The following ARHGEF4 variants were observed in gnomAD, a reference collection of about 807,000 sequenced individuals.
ARHGEF4 encodes Rho guanine nucleotide exchange factor 4.
Under a neutral mutation model 162.0 loss-of-function variants are expected in ARHGEF4, and 119 were observed. The observed-to-expected ratio is 0.73, with a 90% CI of 0.63 to 0.86. The LOEUF (loss-of-function observed/expected upper bound fraction) is 0.86. Among genes scored for constraint, ARHGEF4 ranks in the 40% least tolerant of loss-of-function variants. ARHGEF4 has a pLI of 0.00. For missense variants in ARHGEF4, 2,488 were observed against 2,456.0 expected, an observed-to-expected ratio of 1.01 and a Z score of -0.28; for synonymous variants, 1,014 against 979.9, an observed-to-expected ratio of 1.03 and a Z score of -0.65.
At position 130,971,299 on chromosome 2, in the gene ARHGEF4, G is replaced by C. The variant is rs138077786; in HGVS notation, c.3985+24664G>C. On this transcript the variant is annotated intron_variant, in intron 4 of 13. Transcript: ENST00000409359. ...TCAGTTATGTGAGTCCTCCAATTTT[G>C]TTCTTCTTTTTCAACATTGTTTTAA... Among the ~76,000 whole-genome samples, 64 of 152,182 alleles carry C rather than the reference G, an allele frequency of 4.2e-4. No individual in the cohort carries two copies. In the East Asian group the frequency reaches 0.011, roughly 27 times the overall value.
rs777942620 is a variant in ARHGEF4 at position 131,040,263 on chromosome 2, C to A, written c.4485C>A (p.Gly1495=). 5.0e-6 allele frequency: 8 copies of A among 1,612,334 alleles called. No individual in the cohort carries two copies. Among genetic ancestry groups the A allele is most frequent in the Admixed American group, 3.3e-5 (2 of 59,926 alleles). Residue 1495 remains glycine, a splice_region_variant and synonymous_variant, in exon 8 of 14, where the codon GGC becomes GGA. Transcript: ENST00000409359. ...GGCCTAACCACGTCCGCCCGCAGGG[C>A]TACGTCCGGCAGTGCCGCAAGCGCG... ...YIKHLRDICE[G]YVRQCRKRAD...
Position 130,916,770 on chromosome 2 carries a change from A to G in ARHGEF4, c.2824A>G (p.Lys942Glu). ...TTCCCCAAGTTCTCCCAAGGGCGAG[A>G]AGGAGAAGAGCAGGCTGCGCCAGGG... Reference protein sequence around the residue: ...ERSPSSPKGEKEKSRLRQGSW... With the variant: ...ERSPSSPKGEEEKSRLRQGSW... Residue 942 changes from lysine (K) to glutamate (E), a missense_variant, in exon 2 of 14, where the codon AAG (lysine) becomes GAG (glutamate). By Grantham distance (56) the Lys-to-Glu change is moderately conservative. This residue lies in a region of ARHGEF4 where 1,642 missense variants were observed against 1,481.5 expected (regional missense o/e 1.11). Coordinates refer to ENST00000409359, the MANE Select transcript of ARHGEF4 (RefSeq NM_001367493.1). 6.4e-7 allele frequency: 1 copy of G among 1,550,634 alleles called. No homozygotes were observed.
At chr2:131,045,154 GC>G (rs995789164) in intron 12 of ARHGEF4, among the ~76,000 whole-genome samples, 3 of 152,218 alleles carry the variant, frequency 2.0e-5, no homozygotes, top group Non-Finnish European at 4.4e-5. Flanking sequence ...TTCATTTTCT[GC>G]CAGGAGCCCC....
intron 3 of ARHGEF4, among the ~76,000 whole-genome samples, chr2:130,944,082 T>G (rs1356362839): frequency 2.0e-5 from 3 of 152,244 alleles, no homozygotes; most frequent in Non-Finnish European, 2.9e-5. Flanking sequence ...GGGTTGACAG[T>G]GATTTAGCAC....
At chr2:130,978,443 G>A (rs1685897596) in intron 4 of ARHGEF4, among the ~76,000 whole-genome samples, 1 of 152,088 alleles carries the variant, frequency 6.6e-6, no homozygotes, top group South Asian at 2.1e-4. Context: ...CCATATTCTT[G>A]GCCTGATTAC....
intron 1 of ARHGEF4, 121 bp downstream of exon 1, chr2:130,837,113 A>T: frequency 1.0e-6 from 1 of 953,152 alleles, no homozygotes. Flanking sequence ...GTGGGTGGGG[A>T]CACCCTCGTG....
chr2:131,038,770 G>A, intron 5 of ARHGEF4, 83 bp from the exon 6 acceptor site: 1 of 1,451,938 alleles, frequency 6.9e-7, no homozygotes, highest in East Asian at 2.3e-5. Flanking sequence ...TCTTCCCAGG[G>A]CTGCTGAGGG....
At chr2:130,955,131 A>T (rs1176839158) in intron 4 of ARHGEF4, among the ~76,000 whole-genome samples, 2 of 152,142 alleles carry the variant, frequency 1.3e-5, no homozygotes, top group Admixed American at 6.5e-5. Flanking sequence ...TTCCTTTTTT[A>T]AAAGATTTGA....
chr2:130,964,962 C>A (rs1271907243), intron 4 of ARHGEF4, among the ~76,000 whole-genome samples: 1 of 152,222 alleles, frequency 6.6e-6, no homozygotes, highest in African/African-American at 2.4e-5. Context: ...TGGTGATCAC[C>A]TTACCCTTGG....
At chr2:130,900,965 C>T (rs1172956964) in intron 1 of ARHGEF4, among the ~76,000 whole-genome samples, 1 of 152,092 alleles carries the variant, frequency 6.6e-6, no homozygotes, top group African/African-American at 2.4e-5. Flanking sequence ...CTTTTGATCT[C>T]TGTTGGTGAT....
chr2:130,842,094 GGCTAT>G (rs1225277447), intron 1 of ARHGEF4, among the ~76,000 whole-genome samples: 1 of 152,186 alleles, frequency 6.6e-6, no homozygotes, highest in Non-Finnish European at 1.5e-5. Flanking sequence ...TGGTTCCCTT[GGCTAT>G]GCTGGGATCT....
chr2:130,889,681 G>A (rs1250552495), intron 1 of ARHGEF4, among the ~76,000 whole-genome samples: 2 of 150,004 alleles, frequency 1.3e-5, no homozygotes, highest in African/African-American at 2.5e-5. Flanking sequence ...GTGTAGTGGC[G>A]GGCATCTGTA....
intron 4 of ARHGEF4, among the ~76,000 whole-genome samples, chr2:130,982,557 G>GCCT (rs941562698): frequency 6.8e-6 from 1 of 147,564 alleles, no homozygotes; most frequent in South Asian, 2.2e-4. Flanking sequence ...TTCTTTTTTC[G>GCCT]CCTCCTCCTC....
At chr2:130,905,922 G>T (rs1375060860) in intron 1 of ARHGEF4, among the ~76,000 whole-genome samples, 1 of 152,092 alleles carries the variant, frequency 6.6e-6, no homozygotes, top group African/African-American at 2.4e-5. Flanking sequence ...CACAGATAAG[G>T]GGGAACTACT....
At chr2:130,854,687 G>A (rs989554502) in intron 1 of ARHGEF4, among the ~76,000 whole-genome samples, 1 of 152,074 alleles carries the variant, frequency 6.6e-6, no homozygotes, top group Non-Finnish European at 1.5e-5. Context: ...CAGGAGGGGC[G>A]AGACAGGAAG....
chr2:131,034,136 C>T (rs1283945282), intron 5 of ARHGEF4, among the ~76,000 whole-genome samples: 3 of 152,170 alleles, frequency 2.0e-5, no homozygotes, highest in Non-Finnish European at 2.9e-5. Flanking sequence ...CCCATGGGAA[C>T]ACCCAGTCTG....
Position 130,914,391 on chromosome 2 carries a change from T to C in ARHGEF4, c.445T>C (p.Phe149Leu). ...CTCTTGCAAAAATGGGTGGCGAGCCTTTGCCACAGTTGCTGGAGAACAGGA... is the reference window on the plus strand; with the variant it reads ...CTCTTGCAAAAATGGGTGGCGAGCCCTTGCCACAGTTGCTGGAGAACAGGA... ...DDSCKNGWRA[F>L]ATVAGEQEAG... is the part of the protein sequence containing the mutation. Residue 149 changes from phenylalanine (F) to leucine (L), a missense_variant, in exon 2 of 14, where the codon TTT (phenylalanine) becomes CTT (leucine). Transcript: ENST00000409359. 6.9e-7 allele frequency: 1 copy of C among 1,443,872 alleles called. No homozygotes were observed. The highest frequency in any genetic ancestry group is 9.1e-7 in the Non-Finnish European group (1 of 1,103,858). 89.4% of individuals were successfully genotyped at this position (1,443,872 alleles called of 1,614,324 possible).
At chr2:130,991,640 G>A (rs1686986966) in intron 4 of ARHGEF4, among the ~76,000 whole-genome samples, 1 of 152,232 alleles carries the variant, frequency 6.6e-6, no homozygotes, top group African/African-American at 2.4e-5. Flanking sequence ...CAGCCCACCC[G>A]CGCTGCACTA....
intron 4 of ARHGEF4, among the ~76,000 whole-genome samples, chr2:130,958,432 C>T (rs549087840): frequency 2.0e-5 from 3 of 150,596 alleles, no homozygotes; most frequent in East Asian, 3.9e-4. Flanking sequence ...TGGGAGGCAA[C>T]GCAGTCTTGC....
Sources: gnomAD v4.1 joint callset for allele counts (sites outside exome capture counted in the v4.1 genomes callset) on GRCh38, gnomAD v4.1.1 for gene constraint, gnomAD v4.1.1 regional missense constraint, MANE v1.5 for transcripts, NCBI Gene and HGNC (gene_info 2026-07-23, HGNC 2026-07-21) for gene names.